The following SYT1 variants were observed in gnomAD, a reference collection of about 807,000 sequenced individuals.
The protein encoded by SYT1 is synaptotagmin-1.
SYT1 carries 8 observed loss-of-function variants against 44.8 expected under a neutral mutation model. The ratio of observed to expected loss-of-function variants is 0.18; its 90% CI spans 0.10 to 0.32. The LOEUF is 0.32. Among genes scored for constraint, SYT1 ranks in the 10% least tolerant of loss-of-function variants. The probability of loss-of-function intolerance (pLI) is 1.00; values close to 1 mark genes in which losing one functional copy is unlikely to be tolerated. For missense variants in SYT1, 286 were observed against 509.3 expected (o/e 0.56, Z 4.22); for synonymous variants, 154 against 188.8 (o/e 0.82, Z 1.51).
At chr12:79,224,223 T>C (rs1186418067) in intron 4 of SYT1, among the ~76,000 whole-genome samples, 5 of 152,202 alleles carry the variant, frequency 3.3e-5, no homozygotes, top group Non-Finnish European at 5.9e-5. Flanking sequence ...TCTTCAAGTA[T>C]GAATACTTAC....
chr12:78,931,231 GAA>G (rs57711834), intron 1 of SYT1, among the ~76,000 whole-genome samples: 1 of 63,042 alleles, frequency 1.6e-5, no homozygotes, highest in Non-Finnish European at 2.7e-5. Flanking sequence ...AAGAAAGAAA[GAA>G]AGAAAGAAGG....
intron 1 of SYT1, among the ~76,000 whole-genome samples, chr12:78,922,224 T>C (rs1246695231): frequency 6.6e-6 from 1 of 151,904 alleles, no homozygotes. Flanking sequence ...TTCTCCATAT[T>C]TAACACTATT....
At position 79,051,759 on chromosome 12, in the gene SYT1, T is replaced by G. The variant is rs959065647; in HGVS notation, c.-18+4397T>G. 2.6e-5 allele frequency among the ~76,000 whole-genome samples: 4 copies of G among 152,046 alleles called. 1 individual carries two copies. Among genetic ancestry groups the G allele is most frequent in the African/African-American group, 7.2e-5 (3 of 41,426 alleles). ...GTATATGAAGATCTCTATAGTGATA[T>G]TTAATTTAAAATTCTTATATATATT... On this transcript the variant is annotated intron_variant, in intron 3 of 10. Coordinates refer to ENST00000261205, the MANE Select transcript of SYT1 (RefSeq NM_005639.3).
At chr12:79,332,354 G>T (rs1881892558) in intron 8 of SYT1, among the ~76,000 whole-genome samples, 3 of 152,150 alleles carry the variant, frequency 2.0e-5, no homozygotes, top group Admixed American at 2.0e-4. Flanking sequence ...ATGAACACCA[G>T]TGAACTTTCC....
intron 4 of SYT1, among the ~76,000 whole-genome samples, chr12:79,232,050 G>A (rs1421751022): frequency 1.3e-5 from 2 of 152,020 alleles, no homozygotes; most frequent in Non-Finnish European, 1.5e-5. Flanking sequence ...TGTGACCTTG[G>A]GCAAATGATA....
intron 3 of SYT1, among the ~76,000 whole-genome samples, chr12:79,111,706 G>A (rs1879020702): frequency 1.3e-5 from 2 of 151,608 alleles, no homozygotes; most frequent in Admixed American, 1.3e-4. Context: ...ACACAGAGAA[G>A]CTAAGAAACT....
intron 2 of SYT1, among the ~76,000 whole-genome samples, chr12:79,045,233 T>G (rs1462814193): frequency 2.6e-5 from 4 of 152,204 alleles, no homozygotes; most frequent in South Asian, 4.1e-4. Context: ...GCTGCCGCCT[T>G]GCAGTTTGAT....
chr12:79,012,986 G>C (rs1871519802), intron 2 of SYT1, among the ~76,000 whole-genome samples: 1 of 151,912 alleles, frequency 6.6e-6, no homozygotes, highest in Non-Finnish European at 1.5e-5. Context: ...CTCCCATGCA[G>C]TCCCTTCTAC....
intron 3 of SYT1, among the ~76,000 whole-genome samples, chr12:79,197,536 C>T (rs1409981987): frequency 6.6e-6 from 1 of 152,006 alleles, no homozygotes; most frequent in East Asian, 1.9e-4. Flanking sequence ...ACATTTCATC[C>T]AAAACAGTAG....
At chr12:79,247,157 G>T (rs1409177396) in intron 4 of SYT1, among the ~76,000 whole-genome samples, 1 of 152,160 alleles carries the variant, frequency 6.6e-6, no homozygotes, top group Non-Finnish European at 1.5e-5. Flanking sequence ...TATCACCTGT[G>T]ACTTTACAGT....
At chr12:79,296,530 AATGAAAT>A (rs1879882519) in intron 7 of SYT1, among the ~76,000 whole-genome samples, 1 of 152,166 alleles carries the variant, frequency 6.6e-6, no homozygotes, top group Non-Finnish European at 1.5e-5. Context: ...AAGCCAAAGG[AATGAAAT>A]CATTATTTTT....
At chr12:79,187,285 A>G (rs1872857009) in intron 3 of SYT1, among the ~76,000 whole-genome samples, 1 of 152,086 alleles carries the variant, frequency 6.6e-6, no homozygotes, top group African/African-American at 2.4e-5. Flanking sequence ...ATTGAGCATA[A>G]CAGTGGGAAT....
intron 4 of SYT1, among the ~76,000 whole-genome samples, chr12:79,271,045 G>A (rs1878396268): frequency 6.6e-6 from 1 of 152,184 alleles, no homozygotes; most frequent in Admixed American, 6.5e-5. Flanking sequence ...TTCAATGAAT[G>A]TCTGATGAAC....
At chr12:78,926,830 G>C (rs918668058) in intron 1 of SYT1, 4 of 151,838 alleles carry the variant, frequency 2.6e-5, no homozygotes, top group Non-Finnish European at 4.4e-5. Context: ...TTAATAGCAG[G>C]GTGAACTTAG....
intron 3 of SYT1, among the ~76,000 whole-genome samples, chr12:79,209,712 T>C (rs1034754296): frequency 1.5e-4 from 23 of 152,178 alleles, no homozygotes; most frequent in Non-Finnish European, 8.8e-5. Context: ...ATCCTTATTC[T>C]TGAAAGCCCC....
chr12:79,053,266 C>A (rs546728284), intron 3 of SYT1, among the ~76,000 whole-genome samples: 1 of 151,956 alleles, frequency 6.6e-6, no homozygotes, highest in Non-Finnish European at 1.5e-5. Context: ...GATAAAAAAC[C>A]AAATACCGCA....
chr12:78,890,948 C>T lies in SYT1; in HGVS notation c.-217+25839C>T, dbSNP rs959576374. Among the ~76,000 whole-genome samples the T allele has an allele frequency of 6.6e-5, 10 of 151,870 alleles. No homozygotes were observed. The East Asian group carries it at 1.6e-3, about 24-fold the overall frequency. Reference sequence around the variant, plus strand: ...CATAGAACTATGCTCCTAACATGCACCTCTCCAGATTTTAGGTACATAGCT... The same window carrying T: ...CATAGAACTATGCTCCTAACATGCATCTCTCCAGATTTTAGGTACATAGCT... On this transcript the variant is annotated intron_variant, in intron 1 of 10. Coordinates refer to ENST00000261205, the MANE Select transcript of SYT1 (RefSeq NM_005639.3).
intron 3 of SYT1, among the ~76,000 whole-genome samples, chr12:79,179,478 G>GATATATCTATAT (rs1565842326): frequency 5.6e-5 from 1 of 17,980 alleles, no homozygotes; most frequent in African/African-American, 2.0e-4. Flanking sequence ...TATAGATATA[G>GATATATCTATAT]AGATATAGAT....
chr12:78,899,251 T>C (rs1328137574), intron 1 of SYT1, among the ~76,000 whole-genome samples: 1 of 151,522 alleles, frequency 6.6e-6, no homozygotes, highest in East Asian at 2.0e-4. Context: ...GAACTTTGCC[T>C]TGTCCCTCAG....
Sources: gnomAD v4.1 joint callset for allele counts (sites outside exome capture counted in the v4.1 genomes callset) on GRCh38, gnomAD v4.1.1 for gene constraint, MANE v1.5 for transcripts, NCBI Gene and HGNC (gene_info 2026-07-23, HGNC 2026-07-21) for gene names.